The following TBC1D30 variants were observed in gnomAD, a reference collection of about 807,000 sequenced individuals.
The protein encoded by TBC1D30 is TBC1 domain family member 30, also known as TBC1 domain family, member 30.
A neutral mutation model predicts 63.2 loss-of-function variants in TBC1D30; 31 were observed. That is an observed-to-expected ratio of 0.49 (90% CI 0.37 to 0.66). TBC1D30 has a LOEUF of 0.66. Among genes scored for constraint, TBC1D30 ranks in the 30% least tolerant of loss-of-function variants. The probability of loss-of-function intolerance (pLI) is 0.00; values close to 1 mark genes in which losing one functional copy is unlikely to be tolerated. For synonymous variants in TBC1D30, 307 were observed against 361.5 expected (o/e 0.85, Z 1.71); for missense variants, 810 against 953.6 (o/e 0.85, Z 1.98).
upstream of TBC1D30, chr12:64,779,220 G>A (rs537959801): frequency 2.1e-3 from 313 of 152,218 alleles, 4 homozygotes; most frequent in African/African-American, 6.0e-3. Flanking sequence ...CAATTTCAGT[G>A]TTTACTCCTC....
chr12:64,818,065 A>G (rs1193734529), intron 2 of TBC1D30, among the ~76,000 whole-genome samples: 1 of 151,778 alleles, frequency 6.6e-6, no homozygotes, highest in Admixed American at 6.6e-5. Context: ...TCTACCAAAA[A>G]AAAAAAAAAA....
chr12:64,796,143 G>GTTT (rs754180803), intron 2 of TBC1D30, among the ~76,000 whole-genome samples: 1 of 130,120 alleles, frequency 7.7e-6, no homozygotes, highest in Non-Finnish European at 1.7e-5. Flanking sequence ...AAAGTTAAGA[G>GTTT]TTTTTTTTTT....
intron 2 of TBC1D30, among the ~76,000 whole-genome samples, chr12:64,800,287 G>A (rs1460676394): frequency 6.6e-6 from 1 of 152,194 alleles, no homozygotes; most frequent in Non-Finnish European, 1.5e-5. Flanking sequence ...GGAAGTGGCA[G>A]AAGTTGAGAC....
chr12:64,796,004 T>C (rs1288072913), intron 2 of TBC1D30, among the ~76,000 whole-genome samples: 4 of 152,172 alleles, frequency 2.6e-5, no homozygotes, highest in African/African-American at 9.7e-5. Context: ...GTTTTTGATA[T>C]ATAATTAGCA....
At chr12:64,852,589 C>A (rs912757295) in intron 8 of TBC1D30, among the ~76,000 whole-genome samples, 1 of 152,080 alleles carries the variant, frequency 6.6e-6, no homozygotes, top group African/African-American at 2.4e-5. Flanking sequence ...TATTTTCGGT[C>A]TTTTTGCGCT....
intron 1 of TBC1D30, among the ~76,000 whole-genome samples, chr12:64,763,063 C>T (rs543368343): frequency 2.0e-5 from 3 of 152,180 alleles, no homozygotes; most frequent in Non-Finnish European, 4.4e-5. Flanking sequence ...TCAAGCAATT[C>T]TCCTGCCTCA....
intron 1 of TBC1D30, among the ~76,000 whole-genome samples, chr12:64,763,946 TA>T (rs1316930056): frequency 6.6e-6 from 1 of 152,238 alleles, no homozygotes; most frequent in East Asian, 1.9e-4. Flanking sequence ...AGCTGTTTTT[TA>T]AAGAGCATGC....
At position 64,866,774 on chromosome 12, in the gene TBC1D30, A is replaced by G; in HGVS notation, c.1162A>G (p.Lys388Glu). 4 of 1,536,080 alleles carry G rather than the reference A, an allele frequency of 2.6e-6. No individual in the cohort carries two copies. Among genetic ancestry groups the G allele is most frequent in the Non-Finnish European group, 3.5e-6 (4 of 1,146,866 alleles). Residue 388 changes from lysine to glutamate, a missense_variant, in exon 10 of 12, where the codon AAG becomes GAG. Around this residue, in one of 4 missense-constraint regions of TBC1D30, gnomAD observed 450 missense variants for 473.0 expected, o/e 0.95. Coordinates refer to ENST00000539867, the MANE Select transcript of TBC1D30 (RefSeq NM_015279.2). ...KPTSVSGRHSKARDSDEENDP... is the reference protein window; with the variant it reads ...KPTSVSGRHSEARDSDEENDP... ...TTTATGTTTTCCAAGACGACATAGT[A>G]AGGCCAGAGACAGTGATGAAGAGAA... is the stretch of plus-strand genomic sequence containing the variant.
chr12:64,803,936 G>A (rs1872722195), intron 2 of TBC1D30, among the ~76,000 whole-genome samples: 1 of 152,192 alleles, frequency 6.6e-6, no homozygotes, highest in African/African-American at 2.4e-5. Context: ...GTAGTGTGAT[G>A]CCTCCAGCTT....
At position 64,878,181 on chromosome 12, in the gene TBC1D30, A is replaced by G. The variant is rs1592674717; in HGVS notation, c.*2393A>G. 1 of 220,964 alleles carries G rather than the reference A, an allele frequency of 4.5e-6. No individual in the cohort carries two copies. Among genetic ancestry groups the G allele is most frequent in the Admixed American group, 5.0e-5 (1 of 20,114 alleles). 13.7% of individuals were successfully genotyped at this position (220,964 alleles called of 1,614,324 possible). On this transcript the variant is annotated 3_prime_UTR_variant, in exon 12 of 12. Coordinates refer to ENST00000539867, the MANE Select transcript of TBC1D30 (RefSeq NM_015279.2). The stretch of plus-strand genomic sequence containing the variant: ...AATTTTGAAAATCCAACAGATTCCT[A>G]TTAAAGCACTCTGTGTACCAATAAC...
chr12:64,856,742 TA>T (rs1269901858), intron 8 of TBC1D30, among the ~76,000 whole-genome samples: 1 of 152,012 alleles, frequency 6.6e-6, no homozygotes, highest in African/African-American at 2.4e-5. Flanking sequence ...GGATTGGAGT[TA>T]AAAACCTTAG....
At chr12:64,827,760 A>G (rs1234899516) in intron 1 of TBC1D30, 75 bp from the exon 2 acceptor site, 2 of 1,018,064 alleles carry the variant, frequency 2.0e-6, no homozygotes, top group East Asian at 5.3e-5. Context: ...AGTAGAATCA[A>G]GCTTTTACTA....
intron 2 of TBC1D30, among the ~76,000 whole-genome samples, chr12:64,802,444 T>C (rs1032799279): frequency 6.6e-6 from 1 of 152,138 alleles, no homozygotes; most frequent in East Asian, 1.9e-4. Context: ...CTGGGACGAC[T>C]CTTCCTGCCC....
At chr12:64,760,354 A>G (rs762596872) in intron 1 of TBC1D30, among the ~76,000 whole-genome samples, 2 of 152,106 alleles carry the variant, frequency 1.3e-5, no homozygotes, top group Non-Finnish European at 2.9e-5. Context: ...ACCTGAGGTC[A>G]GGAGTTTTAG....
At chr12:64,839,200 G>A (rs999928181) in intron 7 of TBC1D30, among the ~76,000 whole-genome samples, 1 of 152,184 alleles carries the variant, frequency 6.6e-6, no homozygotes, top group Admixed American at 6.5e-5. Context: ...GAATTTGTTA[G>A]TTAATATCAT....
chr12:64,790,465 G>T (rs1007170197), intron 2 of TBC1D30, among the ~76,000 whole-genome samples: 1 of 152,028 alleles, frequency 6.6e-6, no homozygotes, highest in Non-Finnish European at 1.5e-5. Flanking sequence ...TCCTGCATTG[G>T]TATAGTAAAT....
chr12:64,850,680 A>G (rs1876788537), intron 8 of TBC1D30, among the ~76,000 whole-genome samples: 1 of 152,140 alleles, frequency 6.6e-6, no homozygotes, highest in Non-Finnish European at 1.5e-5. Context: ...GTTTGCCAGT[A>G]TTTTATTGAG....
intron 2 of TBC1D30, among the ~76,000 whole-genome samples, chr12:64,792,907 G>A (rs904352375): frequency 1.3e-5 from 2 of 152,144 alleles, no homozygotes; most frequent in South Asian, 4.1e-4. Flanking sequence ...CTAGGTTGGG[G>A]GAGAGGCTTG....
chr12:64,851,317 C>T (rs917806644), intron 8 of TBC1D30, among the ~76,000 whole-genome samples: 6 of 152,070 alleles, frequency 3.9e-5, no homozygotes, highest in Non-Finnish European at 8.8e-5. Context: ...GCATCATCCT[C>T]ATACCAAAAC....
Sources: gnomAD v4.1 joint callset for allele counts (sites outside exome capture counted in the v4.1 genomes callset) on GRCh38, gnomAD v4.1.1 for gene constraint, gnomAD v4.1.1 regional missense constraint, MANE v1.5 for transcripts, NCBI Gene and HGNC (gene_info 2026-07-23, HGNC 2026-07-21) for gene names.